Variants in DAB1 observed in about 807,000 individuals in gnomAD.
The protein encoded by DAB1 is disabled homolog 1.
In DAB1, 15 loss-of-function variants were observed where a neutral mutation model predicts 64.6. That is an observed-to-expected ratio of 0.23 (90% CI 0.16 to 0.36). The LOEUF (loss-of-function observed/expected upper bound fraction) is 0.36, where lower values mean the gene tolerates loss of function less well. Among genes scored for constraint, DAB1 ranks in the 10% least tolerant of loss-of-function variants. DAB1 has a pLI of 1.00. For missense variants in DAB1, 596 were observed against 706.7 expected (o/e 0.84, Z 1.78); for synonymous variants, 235 against 251.9 (o/e 0.93, Z 0.64).
At chr1:58,488,584 TG>T (rs1268582292) in intron 3 of DAB1, among the ~76,000 whole-genome samples, 1 of 152,230 alleles carries the variant, frequency 6.6e-6, no homozygotes, top group African/African-American at 2.4e-5. Flanking sequence ...CCTGAGTAGC[TG>T]GGATTACAGG....
chr1:57,866,538 A>G (rs1654308553), intron 1 of DAB1: 2 of 152,186 alleles, frequency 1.3e-5, no homozygotes, highest in African/African-American at 4.8e-5. Context: ...AGTGAAGAGT[A>G]CAATTCTAGA....
At chr1:58,064,436 A>C (rs1189258869) in intron 5 of DAB1, among the ~76,000 whole-genome samples, 1 of 152,160 alleles carries the variant, frequency 6.6e-6, no homozygotes, top group East Asian at 1.9e-4. Flanking sequence ...CGAAGTGCCC[A>C]TGTGAAGTGC....
chr1:58,482,512 A>G (rs1182976135), intron 3 of DAB1, among the ~76,000 whole-genome samples: 2 of 152,210 alleles, frequency 1.3e-5, no homozygotes, highest in Non-Finnish European at 2.9e-5. Context: ...TTTAAAAGAA[A>G]GACATTTAGG....
chr1:57,204,454 A>T (rs1484389272), intron 2 of DAB1, among the ~76,000 whole-genome samples: 4 of 104,756 alleles, frequency 3.8e-5, no homozygotes, highest in South Asian at 2.7e-4. Context: ...CTAGATTTAA[A>T]AAAAAAAAAA....
chr1:57,449,962 C>T (rs1408297724), intron 7 of DAB1, among the ~76,000 whole-genome samples: 1 of 152,184 alleles, frequency 6.6e-6, no homozygotes, highest in African/African-American at 2.4e-5. Flanking sequence ...GCTAACAAGA[C>T]AGCTATGAGC....
chr1:57,340,507 T>C (rs1677483394), intron 1 of DAB1, among the ~76,000 whole-genome samples: 1 of 152,232 alleles, frequency 6.6e-6, no homozygotes, highest in Non-Finnish European at 1.5e-5. Context: ...GCCATCTGTA[T>C]TGATTTGTGC....
At chr1:57,851,717 G>A (rs1009195060) in intron 1 of DAB1, among the ~76,000 whole-genome samples, 6 of 152,204 alleles carry the variant, frequency 3.9e-5, no homozygotes, top group African/African-American at 1.4e-4. Flanking sequence ...TCTGGCTTCT[G>A]ATGTTCTCCC....
chr1:57,399,874 A>G (rs900057670), intron 1 of DAB1, among the ~76,000 whole-genome samples: 6 of 152,234 alleles, frequency 3.9e-5, no homozygotes, highest in African/African-American at 1.4e-4. Context: ...CCTTGCAATG[A>G]AGACCCAGTA....
In DAB1 at chr1:57,081,230, A is replaced by G. The variant is rs1224720705; in HGVS notation, c.307-8816T>C. Among the ~76,000 whole-genome samples the G allele has an allele frequency of 1.3e-5, 2 of 152,204 alleles. 1 individual carries two copies. Among genetic ancestry groups the G allele is most frequent in the South Asian group, 4.1e-4 (2 of 4,836 alleles). On this transcript the variant is annotated intron_variant, in intron 4 of 14. Transcript: ENST00000371236. ...ATGATTCCTTTCTCATAGGGATATA[A>G]GGAAGATCACTTAACATGTCTAGCA...
chr1:57,014,623 A>G (rs1646364581), intron 12 of DAB1, among the ~76,000 whole-genome samples: 1 of 152,226 alleles, frequency 6.6e-6, no homozygotes, highest in Admixed American at 6.5e-5. Context: ...CACTTTCATT[A>G]TCTGTCAAAC....
At chr1:57,729,150 C>T (rs146139679) in intron 6 of DAB1, among the ~76,000 whole-genome samples, 157 of 152,346 alleles carry the variant, frequency 1.0e-3, no homozygotes, top group African/African-American at 3.5e-3. Context: ...CAGGTAAGCA[C>T]GTATCCACAG....
intron 7 of DAB1, among the ~76,000 whole-genome samples, chr1:57,561,902 C>G (rs2805860): frequency 0.88 from 133,544 of 152,214 alleles, 60,201 homozygotes; most frequent in East Asian, 1. Flanking sequence ...TTCCATTATA[C>G]AAAGGACAGA....
At chr1:58,487,408 C>T (rs1645594155) in intron 3 of DAB1, among the ~76,000 whole-genome samples, 1 of 152,042 alleles carries the variant, frequency 6.6e-6, no homozygotes, top group African/African-American at 2.4e-5. Flanking sequence ...AATTAATGAC[C>T]CCAGTCCATA....
chr1:58,463,246 C>G (rs116823283), intron 3 of DAB1, among the ~76,000 whole-genome samples: 83 of 152,280 alleles, frequency 5.5e-4, no homozygotes, highest in African/African-American at 1.9e-3. Context: ...CCACTGAGAG[C>G]AGAGAGCTCC....
chr1:58,157,167 G>A lies in DAB1; in HGVS notation n.310-6579C>T, dbSNP rs72908431. Among the ~76,000 whole-genome samples, 1,201 of 152,166 alleles carry A rather than the reference G, an allele frequency of 7.9e-3. 21 individuals are homozygous for A. Among genetic ancestry groups the A allele is most frequent in the African/African-American group, 0.028 (1,151 of 41,518 alleles). On this transcript the variant is annotated intron_variant and non_coding_transcript_variant, in intron 4 of 20. Coordinates refer to the DAB1 transcript ENST00000485760. ...CCTGTGAAGGAAAAAGCCCCCTCTG[G>A]AAAAGAAAGACTCTCCTTAGTCCTT... is the stretch of plus-strand genomic sequence containing the variant.
chr1:57,306,492 T>C (rs1674185454), intron 1 of DAB1, among the ~76,000 whole-genome samples: 1 of 151,530 alleles, frequency 6.6e-6, no homozygotes, highest in South Asian at 2.1e-4. Flanking sequence ...CTCAGAAACT[T>C]CTTTTCTCTC....
chr1:57,669,490 C>G (rs1646485771), intron 6 of DAB1, among the ~76,000 whole-genome samples: 1 of 152,112 alleles, frequency 6.6e-6, no homozygotes, highest in Non-Finnish European at 1.5e-5. Flanking sequence ...GAAAATTGTT[C>G]TTAACTTACT....
intron 4 of DAB1, among the ~76,000 whole-genome samples, chr1:57,130,750 G>A (rs1396190314): frequency 1.3e-5 from 2 of 152,118 alleles, no homozygotes; most frequent in Non-Finnish European, 2.9e-5. Flanking sequence ...TGGGTGGGGA[G>A]ATTGGAGAGA....
chr1:57,087,467 C>T (rs1653204052), intron 4 of DAB1, among the ~76,000 whole-genome samples: 1 of 152,170 alleles, frequency 6.6e-6, no homozygotes, highest in Non-Finnish European at 1.5e-5. Context: ...GGTGCAAATG[C>T]CAGGGCAGAA....
Sources: allele counts gnomAD v4.1 joint callset (sites outside exome capture counted in the v4.1 genomes callset), GRCh38; gene constraint gnomAD v4.1.1; transcripts MANE v1.5; gene names NCBI Gene and HGNC (gene_info 2026-07-23, HGNC 2026-07-21).